The following MRPL1 variants were observed in gnomAD, a reference collection of about 807,000 sequenced individuals.
MRPL1 encodes the protein mitochondrial ribosomal protein L1.
In MRPL1, 28 loss-of-function variants were observed where a neutral mutation model predicts 38.0. The ratio of observed to expected loss-of-function variants is 0.74; its 90% CI spans 0.55 to 1.01. The LOEUF (loss-of-function observed/expected upper bound fraction) is 1.01, where lower values mean the gene tolerates loss of function less well. Among genes scored for constraint, MRPL1 ranks in the 50% least tolerant of loss-of-function variants. MRPL1 has a pLI of 0.00. For synonymous variants in MRPL1, 123 were observed against 126.7 expected (o/e 0.97, Z 0.20); for missense variants, 358 against 389.8 (o/e 0.92, Z 0.69).
At chr4:77,932,728 T>C (rs1319635285) in intron 7 of MRPL1, among the ~76,000 whole-genome samples, 1 of 152,046 alleles carries the variant, frequency 6.6e-6, no homozygotes, top group Non-Finnish European at 1.5e-5. Context: ...AGTTATATAA[T>C]TATTTTGTTA....
At chr4:77,864,345 C>A (rs1466044095) in intron 1 of MRPL1, among the ~76,000 whole-genome samples, 1 of 152,152 alleles carries the variant, frequency 6.6e-6, no homozygotes, top group Non-Finnish European at 1.5e-5. Flanking sequence ...TCCCCAGCCT[C>A]TTTACTTTGG....
chr4:77,873,180 A>G (rs1480155498), intron 2 of MRPL1, among the ~76,000 whole-genome samples: 2 of 152,250 alleles, frequency 1.3e-5, no homozygotes, highest in Non-Finnish European at 2.9e-5. Context: ...GCTAGGCAGT[A>G]TACAAAGCAC....
At chr4:77,937,280 A>G (rs1737008462) in intron 7 of MRPL1, among the ~76,000 whole-genome samples, 1 of 151,936 alleles carries the variant, frequency 6.6e-6, no homozygotes. Flanking sequence ...CCAGTTCAAA[A>G]CTCTAATCTC....
chr4:77,915,351 T>A (rs965847726), intron 7 of MRPL1, among the ~76,000 whole-genome samples: 1 of 152,244 alleles, frequency 6.6e-6, no homozygotes, highest in African/African-American at 2.4e-5. Flanking sequence ...AAACTGTGTA[T>A]ACTAATGCTC....
intron 1 of MRPL1, among the ~76,000 whole-genome samples, chr4:77,869,934 G>C (rs1306370689): frequency 6.6e-6 from 1 of 151,946 alleles, no homozygotes; most frequent in African/African-American, 2.4e-5. Context: ...CCAGTCTGGA[G>C]TGGAATAGTG....
At chr4:77,914,180 C>G (rs540079090) in intron 7 of MRPL1, among the ~76,000 whole-genome samples, 141 of 152,062 alleles carry the variant, frequency 9.3e-4, no homozygotes, top group African/African-American at 3.3e-3. Context: ...GGATAAACCT[C>G]AAGAATATTA....
chr4:77,932,370 AG>A (rs1736867699), intron 7 of MRPL1, among the ~76,000 whole-genome samples: 2 of 152,154 alleles, frequency 1.3e-5, no homozygotes, highest in African/African-American at 2.4e-5. Flanking sequence ...CAACCACAAA[AG>A]GCTCCTGAAT....
chr4:77,894,082 C>T (rs1735862730), intron 5 of MRPL1, 57 bp from the exon 6 acceptor site: 18 of 981,688 alleles, frequency 1.8e-5, no homozygotes, highest in Non-Finnish European at 2.7e-5. Flanking sequence ...TGTACTTTTT[C>T]AGAACGATAA....
chr4:77,946,346 G>A (rs1328389954), intron 7 of MRPL1, among the ~76,000 whole-genome samples: 1 of 150,996 alleles, frequency 6.6e-6, no homozygotes, highest in Non-Finnish European at 1.5e-5. Flanking sequence ...CTTTTTGAAA[G>A]TGCACTGATG....
At chr4:77,932,677 G>T (rs1736875782) in intron 7 of MRPL1, among the ~76,000 whole-genome samples, 1 of 152,024 alleles carries the variant, frequency 6.6e-6, no homozygotes, top group Non-Finnish European at 1.5e-5. Flanking sequence ...CTAGTTGCAG[G>T]AAAACAAGCT....
Position 77,949,867 on chromosome 4 carries a change from C to G in MRPL1, c.848C>G (p.Pro283Arg), listed in dbSNP as rs137874988. Residue 283 changes from proline to arginine, a missense_variant, in exon 8 of 9, where the codon CCG (proline) becomes CGG (arginine). By Grantham distance (103) the Pro-to-Arg change is moderately radical (BLOSUM62 -2). Coordinates refer to ENST00000315567, the MANE Select transcript of MRPL1 (RefSeq NM_020236.4). ...ATTAATGAAGTTTGTAGGCACAGAC[C>G]GCTGAATTTGGGTAAGTGGTTTGCT... ...AVINEVCRHRPLNLGPFVVRA... is the reference protein window; with the variant it reads ...AVINEVCRHRRLNLGPFVVRA... 549 of 1,607,144 alleles carry G rather than the reference C, an allele frequency of 3.4e-4. 3 individuals are homozygous for G. In the East Asian group the frequency reaches 9.4e-3, roughly 28 times the overall value.
At chr4:77,890,215 G>A (rs1032531735) in intron 5 of MRPL1, among the ~76,000 whole-genome samples, 16 of 152,224 alleles carry the variant, frequency 1.1e-4, no homozygotes, top group African/African-American at 3.1e-4. Context: ...GATGAACATC[G>A]ATGCAAAAAT....
At position 77,894,140 on chromosome 4, in the gene MRPL1, T is replaced by C; in HGVS notation, c.560T>C (p.Ile187Thr). Residue 187 changes from isoleucine (I) to threonine (T), a missense_variant and splice_region_variant, in exon 6 of 9, where the codon ATT (isoleucine) becomes ACT (threonine). By Grantham distance (89) the Ile-to-Thr change is moderately conservative. Transcript: ENST00000315567. ...CACCTTTTTTTTTTTAATTTTCAGATTTGGGATGATGAAATTGTTGCAGAC... is the reference window on the plus strand; with the variant it reads ...CACCTTTTTTTTTTTAATTTTCAGACTTGGGATGATGAAATTGTTGCAGAC... ...FAGGTSLIQK[I>T]WDDEIVADFY... 2 of 1,577,706 alleles carry C rather than the reference T, an allele frequency of 1.3e-6. No homozygotes were observed. The highest frequency in any genetic ancestry group is 1.7e-6 in the Non-Finnish European group (2 of 1,153,966).
At chr4:77,896,056 C>T (rs1735904364) in intron 6 of MRPL1, among the ~76,000 whole-genome samples, 1 of 151,754 alleles carries the variant, frequency 6.6e-6, no homozygotes, top group African/African-American at 2.4e-5. Context: ...AGATATCTAG[C>T]TCCTTGCTTT....
chr4:77,937,353 T>C (rs1028949969), intron 7 of MRPL1, among the ~76,000 whole-genome samples: 1 of 152,170 alleles, frequency 6.6e-6, no homozygotes, highest in African/African-American at 2.4e-5. Context: ...TGTCCTGAAG[T>C]GGGGAGCACT....
intron 6 of MRPL1, among the ~76,000 whole-genome samples, chr4:77,905,459 T>C (rs1736134875): frequency 7.6e-6 from 1 of 131,572 alleles, no homozygotes; most frequent in African/African-American, 3.0e-5. Flanking sequence ...ATCGCACCAC[T>C]GTACTCCAGC....
intron 7 of MRPL1, among the ~76,000 whole-genome samples, chr4:77,917,455 G>A (rs957941009): frequency 2.0e-5 from 3 of 151,958 alleles, no homozygotes; most frequent in African/African-American, 7.3e-5. Context: ...ATACAGTAGG[G>A]ATTTTTAATG....
At chr4:77,947,842 T>C (rs1445148089) in intron 7 of MRPL1, among the ~76,000 whole-genome samples, 1 of 152,202 alleles carries the variant, frequency 6.6e-6, no homozygotes, top group East Asian at 1.9e-4. Context: ...GCTGTACATA[T>C]ATTTTAAAAT....
Position 77,894,388 on chromosome 4 carries a change from C to T in MRPL1, c.670+138C>T, listed in dbSNP as rs982722146. 4.6e-5 allele frequency: 25 copies of T among 548,766 alleles called. No homozygotes were observed. In the Middle Eastern group the frequency reaches 1.9e-3, roughly 42 times the overall value. The allele number at this position is 548,766 out of a possible 1,614,324, so 34.0% of individuals were successfully genotyped here. On this transcript the variant is annotated intron_variant, in intron 6 of 8. Transcript: ENST00000315567. ...TTTGAGTTTGAGTTACGAGAACCTA[C>T]GGGTTTGATTTTTTTCCCCCGCTTT... is the stretch of plus-strand genomic sequence containing the variant.
Sources: allele counts gnomAD v4.1 joint callset (sites outside exome capture counted in the v4.1 genomes callset), GRCh38; gene constraint gnomAD v4.1.1; transcripts MANE v1.5; gene names NCBI Gene and HGNC (gene_info 2026-07-23, HGNC 2026-07-21).